PPEF1: variants seen among roughly 807,000 people sequenced by gnomAD.
PPEF1 encodes protein phosphatase with EF-hand domain 1, also known as serine/threonine-protein phosphatase with EF-hands 1.
A neutral mutation model predicts 53.3 loss-of-function variants in PPEF1; 12 were observed. That is an observed-to-expected ratio of 0.23 (90% CI 0.14 to 0.36). The LOEUF is 0.36. PPEF1 is among the 10% of genes least tolerant of loss of function. PPEF1 has a pLI of 1.00. For synonymous variants in PPEF1, 165 were observed against 176.7 expected (o/e 0.93, Z 0.52); for missense variants, 334 against 490.4 (o/e 0.68, Z 3.01).
intron 6 of PPEF1, among the ~76,000 whole-genome samples, chrX:18,777,193 A>G (rs2045983691): frequency 8.9e-6 from 1 of 112,284 alleles, no homozygotes; most frequent in African/African-American, 3.2e-5. Flanking sequence ...CCTTCTTATC[A>G]CACTATGCCA....
At chrX:18,720,272 AT>A (rs2044553223) in intron 1 of PPEF1, among the ~76,000 whole-genome samples, 1 of 111,629 alleles carries the variant, frequency 9.0e-6, no homozygotes, top group African/African-American at 3.3e-5. Context: ...ATTAACAATT[AT>A]ACTATCTTTA....
chrX:18,811,605 A>G (rs1247984599), intron 12 of PPEF1, among the ~76,000 whole-genome samples: 276 of 16,825 alleles, frequency 0.016, 1 homozygote, highest in African/African-American at 0.059. Context: ...ATATATATAT[A>G]TATATATATA....
At chrX:18,821,860 G>A (rs2047067234) in intron 13 of PPEF1, among the ~76,000 whole-genome samples, 1 of 110,531 alleles carries the variant, frequency 9.0e-6, no homozygotes, top group African/African-American at 3.3e-5. Flanking sequence ...CTGAGAGAGA[G>A]GACCCAAGGA....
At chrX:18,696,202 G>T (rs913737427) in intron 4 of PPEF1, among the ~76,000 whole-genome samples, 2 of 110,617 alleles carry the variant, frequency 1.8e-5, no homozygotes, top group African/African-American at 6.6e-5. Context: ...GCCTAGGCTG[G>T]AGTATAGTGG....
intron 4 of PPEF1, among the ~76,000 whole-genome samples, chrX:18,693,588 C>T (rs1251580147): frequency 3.6e-5 from 4 of 111,541 alleles, no homozygotes; most frequent in East Asian, 2.8e-4. Flanking sequence ...TTTTTCGAGA[C>T]GGAGTTTTTC....
Position 18,818,113 on chromosome X carries a change from G to A in PPEF1, c.1469G>A (p.Arg490His), listed in dbSNP as rs2046957686. 4 of 1,199,668 alleles carry A rather than the reference G, an allele frequency of 3.3e-6. No individual in the cohort carries two copies. The highest frequency in any genetic ancestry group is 3.6e-5 in the South Asian group (2 of 55,254). The change falls in exon 13 of 16, where the codon CGT becomes CAT. Residue 490 changes from arginine (R) to histidine (H), a missense_variant. Coordinates refer to ENST00000470157, the MANE Select transcript of PPEF1 (RefSeq NM_001377996.1). The stretch of plus-strand genomic sequence containing the variant: ...ATTTCACGAAAAAGTGACCTTACTC[G>A]TGCTTTCCAACTTCAAGACCACAGA... ...RVISRKSDLT[R>H]AFQLQDHRKS...
intron 1 of PPEF1, among the ~76,000 whole-genome samples, chrX:18,715,921 A>G (rs993821131): frequency 4.4e-5 from 5 of 112,554 alleles, no homozygotes; most frequent in South Asian, 3.6e-4. Context: ...TGGTATTTCA[A>G]TTAATAATCT....
chrX:18,705,175 T>C (rs2044170016), upstream of PPEF1, among the ~76,000 whole-genome samples: 1 of 111,702 alleles, frequency 9.0e-6, no homozygotes, highest in Admixed American at 9.6e-5. Flanking sequence ...CATATCATCA[T>C]TTTATTAAAA....
chrX:18,707,865 G>A, intron 1 of PPEF1, 39 bp downstream of exon 1: 1 of 1,142,617 alleles, frequency 8.8e-7, no homozygotes, highest in Non-Finnish European at 1.2e-6. Context: ...TGAATGAAAA[G>A]GGGAAAATGA....
intron 1 of PPEF1, among the ~76,000 whole-genome samples, chrX:18,712,478 A>G (rs2044351335): frequency 8.9e-6 from 1 of 111,908 alleles, no homozygotes; most frequent in Admixed American, 9.5e-5. Context: ...TTAAAAATTG[A>G]TTTTTGTATA....
Position 18,795,265 on chromosome X carries a change from G to A in PPEF1, c.1065+5992G>A, listed in dbSNP as rs780201453. Among the ~76,000 whole-genome samples, 34 of 112,288 alleles carry A rather than the reference G, an allele frequency of 3.0e-4. No individual in the cohort carries two copies. The South Asian group carries it at 8.1e-3, about 27-fold the overall frequency. ...GCGGAGGCTGCAGTGAGCTGAGATC[G>A]TGCCACTGCACTCCAGCCTGGGCGA... On this transcript the variant is annotated intron_variant, in intron 10 of 15. Coordinates refer to ENST00000470157, the MANE Select transcript of PPEF1 (RefSeq NM_001377996.1).
intron 10 of PPEF1, among the ~76,000 whole-genome samples, chrX:18,793,671 T>G (rs2147643665): frequency 9.1e-6 from 1 of 110,087 alleles, no homozygotes; most frequent in East Asian, 2.9e-4. Flanking sequence ...CAGTTTTTAT[T>G]GCCTGCTTCC....
chrX:18,821,758 C>CGAGAGAGAGAGAGAGAGAGA (rs754652406), intron 13 of PPEF1, among the ~76,000 whole-genome samples: 18 of 28,656 alleles, frequency 6.3e-4, no homozygotes, highest in Admixed American at 4.0e-3. Flanking sequence ...GAAACCATGG[C>CGAGAGAGAGAGAGAGAGAGA]GAGAGAGAGA....
chrX:18,826,522 G>C (rs693356), intron 15 of PPEF1, among the ~76,000 whole-genome samples: 3 of 97,271 alleles, frequency 3.1e-5, no homozygotes, highest in Non-Finnish European at 6.0e-5. Context: ...TCTGCCTCCC[G>C]GGTTCAAGCA....
chrX:18,798,437 T>C (rs1468806434), intron 10 of PPEF1, among the ~76,000 whole-genome samples: 1 of 111,889 alleles, frequency 8.9e-6, no homozygotes, highest in African/African-American at 3.2e-5. Flanking sequence ...TAGAGTAGGA[T>C]TTGATCCTGA....
intron 6 of PPEF1, among the ~76,000 whole-genome samples, chrX:18,701,269 C>T (rs762316670): frequency 9.2e-4 from 103 of 112,132 alleles, no homozygotes; most frequent in Non-Finnish European, 1.7e-3. Flanking sequence ...CATTGCTTTG[C>T]GACTCTTAAA....
chrX:18,705,345 G>A (rs1015076418), upstream of PPEF1, among the ~76,000 whole-genome samples: 2 of 111,673 alleles, frequency 1.8e-5, no homozygotes, highest in Non-Finnish European at 3.8e-5. Flanking sequence ...GGCTCATCCT[G>A]CCCTTGGATC....
intron 12 of PPEF1, among the ~76,000 whole-genome samples, chrX:18,817,288 G>T (rs2147740252): frequency 9.0e-6 from 1 of 110,825 alleles, no homozygotes; most frequent in Non-Finnish European, 1.9e-5. Flanking sequence ...CTCTTCTACT[G>T]AATTGCAATA....
chrX:18,791,909 C>G (rs1408491334), intron 10 of PPEF1, among the ~76,000 whole-genome samples: 1 of 111,485 alleles, frequency 9.0e-6, no homozygotes, highest in Non-Finnish European at 1.9e-5. Flanking sequence ...TGGATTTTGT[C>G]AAATGCTTTT....
Sources: gnomAD v4.1 joint callset for allele counts (sites outside exome capture counted in the v4.1 genomes callset) on GRCh38, gnomAD v4.1.1 for gene constraint, MANE v1.5 for transcripts, NCBI Gene and HGNC (gene_info 2026-07-23, HGNC 2026-07-21) for gene names.